Variants in SUCLA2 observed in about 807,000 individuals in gnomAD.
The protein encoded by SUCLA2 is succinate--CoA ligase [ADP-forming] subunit beta, mitochondrial.
Under a neutral mutation model 54.8 loss-of-function variants are expected in SUCLA2, and 30 were observed. That is an observed-to-expected ratio of 0.55 (90% CI 0.41 to 0.74). The LOEUF (loss-of-function observed/expected upper bound fraction) is 0.74. Among genes scored for constraint, SUCLA2 ranks in the 30% least tolerant of loss-of-function variants. The pLI is 0.00. For missense variants in SUCLA2, 476 were observed against 562.9 expected (o/e 0.85, Z 1.56); for synonymous variants, 172 against 188.9 (o/e 0.91, Z 0.74).
At chr13:47,948,344 C>T (rs1949750198) in intron 10 of SUCLA2, among the ~76,000 whole-genome samples, 1 of 152,070 alleles carries the variant, frequency 6.6e-6, no homozygotes, top group African/African-American at 2.4e-5. Context: ...TAGATACACA[C>T]ACATACATAC....
At chr13:47,963,469 C>T (rs1949888648) in intron 6 of SUCLA2, among the ~76,000 whole-genome samples, 1 of 151,998 alleles carries the variant, frequency 6.6e-6, no homozygotes, top group Non-Finnish European at 1.5e-5. Context: ...CATGGAGAAA[C>T]ACCATCTCTA....
In SUCLA2 at chr13:47,964,423, A is replaced by C. The variant is rs192279985; in HGVS notation, c.802+4172T>G. ...TCAAATCTATGTATGGAATAAATTA[A>C]ATAAAATTATACATATACACACAAA... On this transcript the variant is annotated intron_variant, in intron 6 of 10. Coordinates refer to ENST00000646932, the MANE Select transcript of SUCLA2 (RefSeq NM_003850.3). 6.9e-3 allele frequency among the ~76,000 whole-genome samples: 1,054 copies of C among 152,338 alleles called. 10 individuals are homozygous for C. The highest frequency in any genetic ancestry group is 0.019 in the South Asian group (91 of 4,834).
intron 8 of SUCLA2, among the ~76,000 whole-genome samples, chr13:47,950,735 C>A (rs1372179129): frequency 6.6e-6 from 1 of 152,100 alleles, no homozygotes; most frequent in Admixed American, 6.6e-5. Context: ...ATTGTAGATA[C>A]ACCAAAATAT....
At position 47,974,344 on chromosome 13, in the gene SUCLA2, G is replaced by A. The variant is rs140064645; in HGVS notation, c.535-952C>T. ...CTCACACCTGTAATCACAGCACTTCGGGACGCCAAGGCAGAAGGACTACTT... is the reference window on the plus strand; with the variant it reads ...CTCACACCTGTAATCACAGCACTTCAGGACGCCAAGGCAGAAGGACTACTT... On this transcript the variant is annotated intron_variant, in intron 4 of 10. Coordinates refer to ENST00000646932, the MANE Select transcript of SUCLA2 (RefSeq NM_003850.3). Among the ~76,000 whole-genome samples the A allele has an allele frequency of 2.7e-3, 408 of 152,276 alleles. 1 individual carries two copies. Among genetic ancestry groups the A allele is most frequent in the Non-Finnish European group, 4.5e-3 (304 of 68,018 alleles).
chr13:47,989,720 G>A (rs117053366), intron 2 of SUCLA2, among the ~76,000 whole-genome samples: 1,566 of 152,050 alleles, frequency 0.01, 10 homozygotes, highest in Middle Eastern at 0.027. Context: ...GAGTTATATC[G>A]CTATAGCAGG....
intron 4 of SUCLA2, among the ~76,000 whole-genome samples, chr13:47,975,087 T>C (rs1949999828): frequency 6.6e-6 from 1 of 151,758 alleles, no homozygotes; most frequent in African/African-American, 2.4e-5. Context: ...ATACTACTCT[T>C]ACATCCAGAA....
In SUCLA2 at chr13:47,973,507, A is replaced by G. The variant is rs558816458; in HGVS notation, c.535-115T>C. The G allele has an allele frequency of 1.8e-5, 22 of 1,203,472 alleles. No individual in the cohort carries two copies. In the East Asian group the frequency reaches 5.4e-4, roughly 29 times the overall value. The allele number at this position is 1,203,472 out of a possible 1,614,324, so 74.5% of individuals were successfully genotyped here. A position where few individuals can be genotyped will look rare whatever the true frequency, so the allele number is the denominator to read the frequency against. On this transcript the variant is annotated intron_variant, in intron 4 of 10. Transcript: ENST00000646932. ...TAAGCATCTATTACTCTCTACCCAC[A>G]TTTTAAAATTTTCTTGAGAATTTAT...
In SUCLA2 at chr13:47,954,148, C is replaced by T. The variant is rs117412559; in HGVS notation, c.1099G>A (p.Asp367Asn). 5.4e-3 allele frequency: 8,785 copies of T among 1,613,104 alleles called. 404 individuals carry two copies. The Admixed American group carries it at 0.089, about 16-fold the overall frequency. Residue 367 changes from aspartate (D) to asparagine (N), a missense_variant, in exon 8 of 11, where the codon GAT becomes AAT. Around this residue, in one of 2 missense-constraint regions of SUCLA2, gnomAD observed 342 missense variants for 444.2 expected, o/e 0.77. Coordinates refer to ENST00000646932, the MANE Select transcript of SUCLA2 (RefSeq NM_003850.3). ...TCAAGCCCTGCCCTTACCTTTTTAT[C>T]TGAAGTGATAAGCTTAAATGCTTCT... ...VTEAFKLITS[D>N]KKVLAILVNI...
intron 2 of SUCLA2, among the ~76,000 whole-genome samples, chr13:47,989,250 G>T (rs1381607520): frequency 7.0e-6 from 1 of 142,308 alleles, no homozygotes; most frequent in Admixed American, 7.3e-5. Flanking sequence ...TCGCTCTGTC[G>T]CCCAGGCTGG....
intron 6 of SUCLA2, among the ~76,000 whole-genome samples, chr13:47,962,317 G>GC (rs1488179228): frequency 2.0e-5 from 3 of 152,236 alleles, no homozygotes; most frequent in Non-Finnish European, 4.4e-5. Flanking sequence ...TGGAAAATGT[G>GC]TTTATTTGCA....
At chr13:47,977,597 C>T (rs1950026678) in intron 4 of SUCLA2, among the ~76,000 whole-genome samples, 1 of 152,024 alleles carries the variant, frequency 6.6e-6, no homozygotes, top group Non-Finnish European at 1.5e-5. Flanking sequence ...GGACTTAACT[C>T]CTAGAATACA....
intron 4 of SUCLA2, among the ~76,000 whole-genome samples, chr13:47,982,093 C>A (rs1360746356): frequency 6.6e-6 from 1 of 152,142 alleles, no homozygotes; most frequent in African/African-American, 2.4e-5. Flanking sequence ...AATCCCACTT[C>A]TAGGTATACA....
chr13:47,969,170 C>T (rs892032851), intron 5 of SUCLA2, among the ~76,000 whole-genome samples: 6 of 152,092 alleles, frequency 3.9e-5, no homozygotes, highest in African/African-American at 1.2e-4. Flanking sequence ...CCAGGAGTTA[C>T]GGACCAGCCT....
intron 4 of SUCLA2, among the ~76,000 whole-genome samples, chr13:47,977,296 C>T (rs796250754): frequency 3.9e-5 from 6 of 152,210 alleles, no homozygotes; most frequent in African/African-American, 9.6e-5. Context: ...TAATCAAAAA[C>T]TTCTAAGCAA....
intron 6 of SUCLA2, among the ~76,000 whole-genome samples, chr13:47,954,769 A>G (rs1346379800): frequency 6.6e-6 from 1 of 152,218 alleles, no homozygotes; most frequent in Non-Finnish European, 1.5e-5. Flanking sequence ...TATTGGGTCT[A>G]CATCCATGCT....
At chr13:47,945,422 C>CAAAAAAAAAAA (rs10661341) in intron 10 of SUCLA2, among the ~76,000 whole-genome samples, 5 of 50,014 alleles carry the variant, frequency 1.0e-4, no homozygotes, top group Admixed American at 3.6e-4. Context: ...GACTCAGTCT[C>CAAAAAAAAAAA]AAAAAAAAAA....
At chr13:47,978,441 T>C (rs1398624834) in intron 4 of SUCLA2, among the ~76,000 whole-genome samples, 11 of 152,112 alleles carry the variant, frequency 7.2e-5, no homozygotes, top group African/African-American at 2.4e-4. Context: ...ATAAATGGTG[T>C]TGGGAAAACT....
At chr13:47,954,627 T>G (rs77955244) in intron 6 of SUCLA2, 70 bp from the exon 7 acceptor site, 1 of 1,500,336 alleles carries the variant, frequency 6.7e-7, no homozygotes. Context: ...AATAGTCAAA[T>G]GGTCTTTCAT....
At chr13:47,980,448 GAC>G (rs1037606585) in intron 4 of SUCLA2, among the ~76,000 whole-genome samples, 3 of 151,778 alleles carry the variant, frequency 2.0e-5, no homozygotes, top group African/African-American at 7.3e-5. Flanking sequence ...AAAATAAAAA[GAC>G]ACAAACAAAT....
Sources: allele counts gnomAD v4.1 joint callset (sites outside exome capture counted in the v4.1 genomes callset), GRCh38; gene constraint gnomAD v4.1.1; regional missense constraint gnomAD v4.1.1; transcripts MANE v1.5; gene names NCBI Gene and HGNC (gene_info 2026-07-23, HGNC 2026-07-21).